Variants in UHRF1 observed in about 807,000 individuals in gnomAD.
UHRF1 encodes ubiquitin like with PHD and ring finger domains 1, also known as E3 ubiquitin-protein ligase UHRF1.
In UHRF1, 9 loss-of-function variants were observed where a neutral mutation model predicts 96.5. The ratio of observed to expected loss-of-function variants is 0.09; its 90% CI spans 0.06 to 0.16. The LOEUF (loss-of-function observed/expected upper bound fraction) is 0.16, where lower values mean the gene tolerates loss of function less well. UHRF1 is among the 10% of genes least tolerant of loss of function. UHRF1 has a pLI of 1.00. For synonymous variants in UHRF1, 455 were observed against 469.9 expected, an observed-to-expected ratio of 0.97 and a Z score of 0.41; for missense variants, 626 against 1,131.1, an observed-to-expected ratio of 0.55 and a Z score of 6.40.
At position 4,961,781 on chromosome 19, in the gene UHRF1, A is replaced by ATT; in HGVS notation, c.*978_*979insTT. ...AGAACTTACAAGAGGGTTTTTTTAA[A>ATT]ATTTTTTTTTCTCTTAATGAACACA... On this transcript the variant is annotated 3_prime_UTR_variant, in exon 17 of 17. Coordinates refer to ENST00000650932, the MANE Select transcript of UHRF1 (RefSeq NM_001048201.3). 2 of 99,704 alleles carry ATT rather than the reference A, an allele frequency of 2.0e-5. No individual in the cohort carries two copies. Among genetic ancestry groups the ATT allele is most frequent in the South Asian group, 3.4e-4 (1 of 2,966 alleles). 6.2% of individuals were successfully genotyped at this position (99,704 alleles called of 1,614,324 possible).
intron 10 of UHRF1, among the ~76,000 whole-genome samples, chr19:4,946,236 T>C (rs2145189170): frequency 6.8e-6 from 1 of 147,678 alleles, no homozygotes; most frequent in Admixed American, 6.8e-5. Flanking sequence ...CCTCTGTGAC[T>C]CTGACGACTC....
At chr19:4,916,677 G>A (rs1348673674) in intron 2 of UHRF1, among the ~76,000 whole-genome samples, 3 of 152,194 alleles carry the variant, frequency 2.0e-5, no homozygotes, top group East Asian at 1.9e-4. Context: ...TGTCTCCTCC[G>A]TGTCTAGGAT....
chr19:4,942,007 A>G (rs2033420006), intron 7 of UHRF1, 76 bp downstream of exon 7: 4 of 1,387,970 alleles, frequency 2.9e-6, no homozygotes, highest in East Asian at 5.4e-5. Context: ...GAGGAGATAC[A>G]GGAGAGGGGC....
chr19:4,906,837 G>A (rs2032073777), upstream of UHRF1, among the ~76,000 whole-genome samples: 1 of 152,214 alleles, frequency 6.6e-6, no homozygotes, highest in African/African-American at 2.4e-5. Context: ...ACAAACAGAT[G>A]ATGTGTTCTG....
At chr19:4,918,909 A>C (rs1367920980) in intron 2 of UHRF1, among the ~76,000 whole-genome samples, 1 of 150,842 alleles carries the variant, frequency 6.6e-6, no homozygotes, top group African/African-American at 2.4e-5. Flanking sequence ...TTTTATAGAG[A>C]TGGGTTCCTG....
chr19:4,910,864 C>A lies in UHRF1; in HGVS notation c.-10-12C>A. ...TAAAACTGATGGGGGTTTTTGCTGT[C>A]CCTCCCCTCAGCGCCGACACCATGT... On this transcript the variant is annotated splice_polypyrimidine_tract_variant and intron_variant, in intron 1 of 16. Coordinates refer to ENST00000650932, the MANE Select transcript of UHRF1 (RefSeq NM_001048201.3). The A allele has an allele frequency of 6.3e-7, 1 of 1,592,744 alleles. No homozygotes were observed. The highest frequency in any genetic ancestry group is 1.1e-5 in the South Asian group (1 of 88,676).
intron 10 of UHRF1, among the ~76,000 whole-genome samples, chr19:4,946,638 G>C (rs1044299281): frequency 2.7e-5 from 4 of 150,748 alleles, no homozygotes; most frequent in Admixed American, 2.6e-4. Context: ...GCAGTGGTGT[G>C]ATCACAGCTC....
intron 13 of UHRF1, among the ~76,000 whole-genome samples, chr19:4,953,641 T>A (rs902155187): frequency 6.6e-6 from 1 of 152,162 alleles, no homozygotes; most frequent in African/African-American, 2.4e-5. Flanking sequence ...TTTTTTAAAT[T>A]TTTTTGTAGA....
chr19:4,959,265 G>A (rs184614814), intron 16 of UHRF1, among the ~76,000 whole-genome samples: 24 of 152,118 alleles, frequency 1.6e-4, no homozygotes, highest in Non-Finnish European at 3.1e-4. Flanking sequence ...GGGAGGTGGA[G>A]GTTGCAGTGA....
intron 1 of UHRF1, 88 bp from the exon 2 acceptor site, chr19:4,910,788 G>C: frequency 6.8e-7 from 1 of 1,464,786 alleles, no homozygotes; most frequent in Middle Eastern, 1.8e-4. Flanking sequence ...CCACAGGCCG[G>C]ACAAAAGCAA....
chr19:4,938,730 G>GGTTTTTTTTTTTTTTTTTTTT (rs1568421924), intron 5 of UHRF1, among the ~76,000 whole-genome samples: 2 of 61,588 alleles, frequency 3.2e-5, no homozygotes, highest in African/African-American at 7.1e-5. Flanking sequence ...TTTTGGTCAG[G>GGTTTTTTTTTTTTTTTTTTTT]TTTTTTTTTT....
chr19:4,948,794 T>G (rs2033639528), intron 11 of UHRF1, among the ~76,000 whole-genome samples: 1 of 145,108 alleles, frequency 6.9e-6, no homozygotes, highest in Non-Finnish European at 1.5e-5. Context: ...GTAACAGGAG[T>G]GAGACTCTAT....
chr19:4,919,749 G>C (rs537579840), intron 2 of UHRF1, among the ~76,000 whole-genome samples: 54 of 152,186 alleles, frequency 3.5e-4, no homozygotes, highest in African/African-American at 1.3e-3. Flanking sequence ...ACTTCACTAG[G>C]TTCAATGATA....
chr19:4,912,003 A>T (rs375659967), intron 2 of UHRF1, among the ~76,000 whole-genome samples: 24 of 152,266 alleles, frequency 1.6e-4, no homozygotes, highest in African/African-American at 5.8e-4. Context: ...GCGCCCGGCC[A>T]GGGGTTTTTG....
chr19:4,944,560 GC>G, intron 9 of UHRF1, 110 bp downstream of exon 9: 2 of 1,173,514 alleles, frequency 1.7e-6, no homozygotes, highest in Non-Finnish European at 2.5e-6. Flanking sequence ...TACCAGTGGT[GC>G]CTCGGCTAGC....
At chr19:4,951,361 G>T (rs952826351) in intron 13 of UHRF1, among the ~76,000 whole-genome samples, 1 of 152,172 alleles carries the variant, frequency 6.6e-6, no homozygotes, top group Non-Finnish European at 1.5e-5. Context: ...GAAGGTCATT[G>T]TGGGTCACAG....
chr19:4,946,268 A>G (rs140979476), intron 10 of UHRF1, among the ~76,000 whole-genome samples: 331 of 152,152 alleles, frequency 2.2e-3, no homozygotes, highest in Non-Finnish European at 3.4e-3. Context: ...TGGGAGTGGA[A>G]TCGCACGGCC....
rs998416767 is a variant in UHRF1 at position 4,961,778 on chromosome 19, T to A, written c.*975T>A. On this transcript the variant is annotated 3_prime_UTR_variant, in exon 17 of 17. Transcript: ENST00000650932. Reference sequence around the variant, plus strand: ...GTGAGAACTTACAAGAGGGTTTTTTTAAAATTTTTTTTTCTCTTAATGAAC... The same window carrying A: ...GTGAGAACTTACAAGAGGGTTTTTTAAAAATTTTTTTTTCTCTTAATGAAC... 3.1e-4 allele frequency: 34 copies of A among 108,838 alleles called. No homozygotes were observed. The highest frequency in any genetic ancestry group is 8.8e-4 in the African/African-American group (32 of 36,268). The allele number at this position is 108,838 out of a possible 1,614,324, so 6.7% of individuals were successfully genotyped here.
intron 7 of UHRF1, among the ~76,000 whole-genome samples, chr19:4,942,658 A>G (rs2033443119): frequency 1.3e-5 from 2 of 151,950 alleles, no homozygotes; most frequent in South Asian, 4.2e-4. Context: ...CATCTTGGCC[A>G]GGCTGGTCTC....
Sources: gnomAD v4.1 joint callset for allele counts (sites outside exome capture counted in the v4.1 genomes callset) on GRCh38, gnomAD v4.1.1 for gene constraint, MANE v1.5 for transcripts, NCBI Gene and HGNC (gene_info 2026-07-23, HGNC 2026-07-21) for gene names.